Variants in ARFGEF3 observed in about 807,000 individuals in gnomAD.
ARFGEF3 encodes the protein brefeldin A-inhibited guanine nucleotide-exchange protein 3.
ARFGEF3 carries 96 observed loss-of-function variants against 221.7 expected under a neutral mutation model. The observed-to-expected ratio is 0.43, with a 90% CI of 0.37 to 0.51. The LOEUF (loss-of-function observed/expected upper bound fraction) is 0.51. Ranked by LOEUF, ARFGEF3 falls within the 20% of genes least tolerant of loss-of-function variation. The pLI is 0.00. For synonymous variants in ARFGEF3, 1,145 were observed against 1,126.8 expected (o/e 1.02, Z -0.32); for missense variants, 2,410 against 2,789.9 (o/e 0.86, Z 3.07).
At chr6:138,170,615 C>A in intron 1 of ARFGEF3, 47 bp from the exon 2 acceptor site, 1 of 991,932 alleles carries the variant, frequency 1.0e-6, no homozygotes, top group Non-Finnish European at 1.6e-6. Context: ...AATGTATATT[C>A]TCAGTGTTTA....
chr6:138,264,903 CTTT>C (rs777385641), intron 12 of ARFGEF3, among the ~76,000 whole-genome samples: 3 of 137,376 alleles, frequency 2.2e-5, no homozygotes, highest in African/African-American at 2.7e-5. Flanking sequence ...TTTTTTTTTC[CTTT>C]TTTTTTTTTT....
chr6:138,221,535 T>C (rs893123792), intron 4 of ARFGEF3, among the ~76,000 whole-genome samples: 3 of 152,138 alleles, frequency 2.0e-5, no homozygotes, highest in African/African-American at 7.2e-5. Flanking sequence ...AGAAATAGAT[T>C]TGTGAGTCCT....
rs200170317 is a variant in ARFGEF3, at chr6:138,299,296, T to TA, written c.3828+521dup. 2.7e-3 allele frequency among the ~76,000 whole-genome samples: 378 copies of TA among 141,466 alleles called. 1 individual carries two copies. Among genetic ancestry groups the TA allele is most frequent in the African/African-American group, 8.8e-3 (338 of 38,480 alleles). The allele number at this position is 141,466 out of a possible 152,430, so 92.8% of individuals were successfully genotyped here. A position where few individuals can be genotyped will look rare whatever the true frequency, so the allele number is the denominator to read the frequency against. On this transcript the variant is annotated intron_variant, in intron 22 of 33. Transcript: ENST00000251691. ...GAGCTGGGATTTGAAACTAGGCAAT[T>TA]AAAAAAAAAACAGAAAAGTTTAGCA...
At chr6:138,166,756 CA>C (rs554094314) in intron 1 of ARFGEF3, among the ~76,000 whole-genome samples, 106 of 152,218 alleles carry the variant, frequency 7.0e-4, no homozygotes, top group African/African-American at 2.4e-3. Flanking sequence ...TTATATCTAT[CA>C]GGGGCCTTAT....
At chr6:138,172,338 A>G (rs193232921) in intron 2 of ARFGEF3, among the ~76,000 whole-genome samples, 1 of 152,306 alleles carries the variant, frequency 6.6e-6, no homozygotes, top group Admixed American at 6.5e-5. Flanking sequence ...TTTGCTTCAA[A>G]ACTGACGTTG....
intron 5 of ARFGEF3, among the ~76,000 whole-genome samples, chr6:138,232,561 T>G (rs1012828639): frequency 6.6e-6 from 1 of 152,196 alleles, no homozygotes; most frequent in Non-Finnish European, 1.5e-5. Context: ...CTTATTGACT[T>G]ATGGAAACTT....
intron 33 of ARFGEF3, among the ~76,000 whole-genome samples, chr6:138,335,562 T>C (rs1780308576): frequency 2.0e-5 from 3 of 149,730 alleles, no homozygotes; most frequent in African/African-American, 7.5e-5. Flanking sequence ...AAAAAAAAAT[T>C]AGCTGGGAGA....
intron 14 of ARFGEF3, among the ~76,000 whole-genome samples, chr6:138,281,442 C>T (rs1390557933): frequency 6.6e-6 from 1 of 152,202 alleles, no homozygotes; most frequent in East Asian, 1.9e-4. Context: ...TAGTAGCCAA[C>T]AGTTTTCAAC....
intron 7 of ARFGEF3, among the ~76,000 whole-genome samples, chr6:138,243,989 TA>T (rs1478026398): frequency 2.0e-5 from 3 of 152,142 alleles, no homozygotes; most frequent in Admixed American, 2.0e-4. Flanking sequence ...GGTGTTCTCA[TA>T]AAGGCTTCAC....
At chr6:138,308,146 A>G (rs1779760310) in intron 23 of ARFGEF3, among the ~76,000 whole-genome samples, 1 of 152,172 alleles carries the variant, frequency 6.6e-6, no homozygotes, top group Admixed American at 6.5e-5. Flanking sequence ...TGCCTAGCAC[A>G]TTACCAAAAT....
chr6:138,169,685 C>G (rs1049466964), intron 1 of ARFGEF3, among the ~76,000 whole-genome samples: 1 of 152,192 alleles, frequency 6.6e-6, no homozygotes, highest in East Asian at 1.9e-4. Context: ...TCATCTTCCT[C>G]CATTGGCCTT....
intron 2 of ARFGEF3, among the ~76,000 whole-genome samples, chr6:138,197,897 A>G (rs1425131488): frequency 6.6e-6 from 1 of 152,240 alleles, no homozygotes; most frequent in Non-Finnish European, 1.5e-5. Context: ...TAAAATCGGT[A>G]CAAATGGAAA....
At chr6:138,200,639 TGG>T (rs1777517928) in intron 2 of ARFGEF3, among the ~76,000 whole-genome samples, 1 of 152,182 alleles carries the variant, frequency 6.6e-6, no homozygotes, top group Non-Finnish European at 1.5e-5. Flanking sequence ...AGAATGAAAC[TGG>T]ATCCTCATCT....
intron 6 of ARFGEF3, 129 bp from the exon 7 acceptor site, chr6:138,242,823 C>T: frequency 2.9e-6 from 2 of 699,740 alleles, no homozygotes; most frequent in Non-Finnish European, 5.1e-6. Flanking sequence ...TAGGGGTGGG[C>T]TCAGGCAAGG....
At chr6:138,247,651 TTTGC>T (rs1778509798) in intron 8 of ARFGEF3, among the ~76,000 whole-genome samples, 1 of 152,226 alleles carries the variant, frequency 6.6e-6, no homozygotes, top group Non-Finnish European at 1.5e-5. Flanking sequence ...AAACCCACGC[TTTGC>T]CCCTTACTGG....
At chr6:138,290,150 C>A (rs1215325260) in intron 18 of ARFGEF3, among the ~76,000 whole-genome samples, 182 bp downstream of exon 18, 1 of 152,122 alleles carries the variant, frequency 6.6e-6, no homozygotes, top group Non-Finnish European at 1.5e-5. Context: ...AATAAGGGCC[C>A]AACTGAATGT....
intron 2 of ARFGEF3, among the ~76,000 whole-genome samples, chr6:138,204,566 T>A (rs924131606): frequency 1.3e-4 from 20 of 152,164 alleles, no homozygotes; most frequent in Non-Finnish European, 4.4e-5. Context: ...AGTTGAATAG[T>A]TAAGACAGAG....
At chr6:138,229,725 C>T in intron 4 of ARFGEF3, 59 bp from the exon 5 acceptor site, 1 of 1,311,048 alleles carries the variant, frequency 7.6e-7, no homozygotes, top group South Asian at 1.2e-5. Flanking sequence ...TATGAAACAA[C>T]AGTGAATTTC....
In ARFGEF3 at chr6:138,291,796, T is replaced by C. The variant is rs763409100; in HGVS notation, c.3111T>C (p.Pro1037=). 1 of 1,481,348 alleles carries C rather than the reference T, an allele frequency of 6.8e-7. No homozygotes were observed. The highest frequency in any genetic ancestry group is 9.0e-7 in the Non-Finnish European group (1 of 1,115,734). The allele number at this position is 1,481,348 out of a possible 1,614,324, so 91.8% of individuals were successfully genotyped here. ...TCAGCGATGGTGCCTCGCAGCCCCC[T>C]CTGACCATCAGCCAGCCCCAGAAGG... is the stretch of plus-strand genomic sequence containing the variant. The part of the protein sequence containing the change: ...NHFSDGASQP[P]LTISQPQKAT... The change falls in exon 19 of 34, where the codon CCT becomes CCC. Residue 1037 remains proline, a synonymous_variant. Transcript: ENST00000251691. This position sits in a 1 kb window ranked among gnomAD's most constrained non-coding sequence, Gnocchi z 4.5.
Sources: allele counts gnomAD v4.1 joint callset (sites outside exome capture counted in the v4.1 genomes callset), GRCh38; gene constraint gnomAD v4.1.1; non-coding constraint Gnocchi (gnomAD v3.1); transcripts MANE v1.5; gene names NCBI Gene and HGNC (gene_info 2026-07-23, HGNC 2026-07-21).